GFRAL: variants seen among roughly 807,000 people sequenced by gnomAD.
The protein encoded by GFRAL is GDNF family receptor alpha-like.
Under a neutral mutation model 45.4 loss-of-function variants are expected in GFRAL, and 36 were observed. The ratio of observed to expected loss-of-function variants is 0.79; its 90% CI spans 0.61 to 1.05. The LOEUF is 1.05. GFRAL is among the 50% of genes least tolerant of loss of function. The pLI, the probability that GFRAL is intolerant of heterozygous loss-of-function variation, is 0.00. For synonymous variants in GFRAL, 166 were observed against 154.1 expected (o/e 1.08, Z -0.57); for missense variants, 507 against 467.5 (o/e 1.08, Z -0.78).
chr6:55,395,158 T>C (rs1453889022), intron 6 of GFRAL, among the ~76,000 whole-genome samples: 2 of 76,704 alleles, frequency 2.6e-5, no homozygotes, highest in East Asian at 6.4e-4. Context: ...TCAATCAGCC[T>C]ATGGAAAAAA....
intron 6 of GFRAL, among the ~76,000 whole-genome samples, chr6:55,363,848 T>G (rs1768315106): frequency 6.6e-6 from 1 of 151,506 alleles, no homozygotes; most frequent in South Asian, 2.1e-4. Context: ...TGTTGGACAT[T>G]TGGGTTGGTT....
chr6:55,333,639 C>A, intron 2 of GFRAL, 147 bp from the exon 3 acceptor site: 1 of 445,316 alleles, frequency 2.2e-6, no homozygotes, highest in Non-Finnish European at 3.9e-6. Flanking sequence ...CATAAAATGT[C>A]ACTTATATGG....
At chr6:55,343,352 T>C (rs943445598) in intron 3 of GFRAL, among the ~76,000 whole-genome samples, 1 of 152,092 alleles carries the variant, frequency 6.6e-6, no homozygotes, top group Non-Finnish European at 1.5e-5. Context: ...GCAATCAAAC[T>C]AGAACTCAGG....
rs964389386 is a variant in GFRAL, at chr6:55,334,713, T to C, written c.316+769T>C. On this transcript the variant is annotated intron_variant, in intron 3 of 8. Coordinates refer to ENST00000340465, the MANE Select transcript of GFRAL (RefSeq NM_207410.2). ...TCGTCCAATCCAACCCATTCAACCA[T>C]CCGTTGTGGGCTCATTGGACAAATT... is the stretch of plus-strand genomic sequence containing the variant. Among the ~76,000 whole-genome samples the C allele has an allele frequency of 1.6e-4, 24 of 152,342 alleles. 1 individual carries two copies. The South Asian group carries it at 2.9e-3, about 18-fold the overall frequency.
intron 6 of GFRAL, 56 bp from the exon 7 acceptor site, chr6:55,399,124 A>C: frequency 1.1e-6 from 1 of 899,446 alleles, no homozygotes; most frequent in Non-Finnish European, 1.7e-6. Context: ...TGTAATCCAT[A>C]AAATTAAAAT....
At chr6:55,365,155 A>C (rs1212728856) in intron 6 of GFRAL, among the ~76,000 whole-genome samples, 1 of 151,184 alleles carries the variant, frequency 6.6e-6, no homozygotes, top group Admixed American at 6.6e-5. Flanking sequence ...GGTCCTTCAC[A>C]TCCCTTGTAA....
chr6:55,384,383 C>T (rs1768652963), intron 6 of GFRAL, among the ~76,000 whole-genome samples: 1 of 151,856 alleles, frequency 6.6e-6, no homozygotes, highest in African/African-American at 2.4e-5. Context: ...TACTATATTC[C>T]AGAGGCATTA....
chr6:55,374,380 TGA>T (rs1768496572), intron 6 of GFRAL, among the ~76,000 whole-genome samples: 1 of 152,188 alleles, frequency 6.6e-6, no homozygotes, highest in Non-Finnish European at 1.5e-5. Context: ...TAATGATCAG[TGA>T]TGTTAAGCTT....
intron 1 of GFRAL, among the ~76,000 whole-genome samples, chr6:55,328,786 C>T (rs1057079378): frequency 1.7e-4 from 26 of 152,044 alleles, no homozygotes; most frequent in African/African-American, 6.3e-4. Flanking sequence ...CACCAGGTTG[C>T]ATGAAGGAGG....
intron 6 of GFRAL, among the ~76,000 whole-genome samples, chr6:55,364,795 T>C (rs1484712632): frequency 6.6e-6 from 1 of 151,892 alleles, no homozygotes; most frequent in Non-Finnish European, 1.5e-5. Context: ...TCCATTGATC[T>C]ATATCTCTGT....
chr6:55,357,170 A>G (rs781674254), intron 5 of GFRAL, among the ~76,000 whole-genome samples: 9 of 151,888 alleles, frequency 5.9e-5, no homozygotes, highest in East Asian at 1.9e-4. Flanking sequence ...TTCTTCAGCT[A>G]TTGTATGAAA....
chr6:55,347,241 TAATC>T (rs1768055710), intron 3 of GFRAL, among the ~76,000 whole-genome samples: 1 of 152,048 alleles, frequency 6.6e-6, no homozygotes, highest in Admixed American at 6.6e-5. Flanking sequence ...GCACATGAAA[TAATC>T]AAGAATGTGA....
intron 6 of GFRAL, among the ~76,000 whole-genome samples, chr6:55,361,520 TTA>T (rs1380140599): frequency 6.6e-6 from 1 of 152,032 alleles, no homozygotes; most frequent in Non-Finnish European, 1.5e-5. Context: ...TGCTGTTTTT[TTA>T]AAATTATTTT....
At chr6:55,365,812 C>A (rs1417889125) in intron 6 of GFRAL, among the ~76,000 whole-genome samples, 2 of 150,180 alleles carry the variant, frequency 1.3e-5, no homozygotes, top group African/African-American at 4.9e-5. Flanking sequence ...GGTGGATAAG[C>A]TTTTGGATGT....
intron 6 of GFRAL, among the ~76,000 whole-genome samples, chr6:55,372,064 G>A (rs920921304): frequency 1.3e-5 from 2 of 152,230 alleles, no homozygotes; most frequent in Admixed American, 6.5e-5. Context: ...AGGGCCTGGA[G>A]GTCCTTGTCT....
intron 2 of GFRAL, among the ~76,000 whole-genome samples, chr6:55,333,126 G>A (rs1028081308): frequency 3.9e-5 from 6 of 151,982 alleles, no homozygotes; most frequent in Non-Finnish European, 8.8e-5. Flanking sequence ...GCAGTAAATT[G>A]CAATAATATT....
chr6:55,366,308 G>A (rs557825461), intron 6 of GFRAL, among the ~76,000 whole-genome samples: 250 of 151,894 alleles, frequency 1.6e-3, no homozygotes, highest in African/African-American at 5.6e-3. Flanking sequence ...ATTTTTTATT[G>A]CATCTATTTG....
chr6:55,358,982 G>T lies in GFRAL; in HGVS notation c.796G>T (p.Asp266Tyr). 6.2e-7 allele frequency: 1 copy of T among 1,613,100 alleles called. No homozygotes were observed. Among genetic ancestry groups the T allele is most frequent in the Non-Finnish European group, 8.5e-7 (1 of 1,179,410 alleles). The change falls in exon 6 of 9, where the codon GAC becomes TAC. Residue 266 changes from aspartate to tyrosine, a missense_variant. Coordinates refer to ENST00000340465, the MANE Select transcript of GFRAL (RefSeq NM_207410.2). The part of the protein sequence containing the change: ...ENCISTLSKQ[D>Y]LTCSGSDDCK... The stretch of plus-strand genomic sequence containing the variant: ...TTGCATTAGCACCTTAAGCAAACAG[G>T]ACCTCACTTGTTCAGGAAGTGATGA...
intron 6 of GFRAL, among the ~76,000 whole-genome samples, chr6:55,361,215 C>T (rs6939922): frequency 0.11 from 17,111 of 151,894 alleles, 1,058 homozygotes; most frequent in African/African-American, 0.16. Flanking sequence ...TTTCAAATGA[C>T]AGGATTATAG....
Sources: gnomAD v4.1 joint callset for allele counts (sites outside exome capture counted in the v4.1 genomes callset) on GRCh38, gnomAD v4.1.1 for gene constraint, MANE v1.5 for transcripts, NCBI Gene and HGNC (gene_info 2026-07-23, HGNC 2026-07-21) for gene names.